The following ADNP variants were observed in gnomAD, a reference collection of about 807,000 sequenced individuals.
ADNP encodes the protein activity dependent neuroprotector homeobox.
Under a neutral mutation model 84.9 loss-of-function variants are expected in ADNP, and 4 were observed. The ratio of observed to expected loss-of-function variants is 0.05; its 90% CI spans 0.02 to 0.11. The LOEUF (loss-of-function observed/expected upper bound fraction) is 0.11, where lower values mean the gene tolerates loss of function less well. Ranked by LOEUF, ADNP falls within the 10% of genes least tolerant of loss-of-function variation. ADNP has a pLI of 1.00. For missense variants in ADNP, 1,132 were observed against 1,326.0 expected (o/e 0.85, Z 2.27); for synonymous variants, 554 against 468.1 (o/e 1.18, Z -2.37).
In ADNP at chr20:50,892,711, A is replaced by C; in HGVS notation, c.2003T>G (p.Leu668Arg). ...GGTCATGTTGCTGGTATACACACCAAGGCAATGGATACATTTGTAGGTGAG... is the reference window on the plus strand; with the variant it reads ...GGTCATGTTGCTGGTATACACACCACGGCAATGGATACATTTGTAGGTGAG... ...KKLTYKCIHCLGVYTSNMTAS... is the reference protein window; with the variant it reads ...KKLTYKCIHCRGVYTSNMTAS... Residue 668 changes from leucine (L) to arginine (R), a missense_variant, in exon 6 of 6, where the codon CTT (leucine) becomes CGT (arginine). Around this residue, in one of 10 missense-constraint regions of ADNP, gnomAD observed 39 missense variants for 96.2 expected, o/e 0.41. Coordinates refer to ENST00000621696, the MANE Select transcript of ADNP (RefSeq NM_001282531.3). 1 of 1,614,226 alleles carries C rather than the reference A, an allele frequency of 6.2e-7. No individual in the cohort carries two copies. Among genetic ancestry groups the C allele is most frequent in the Non-Finnish European group, 8.5e-7 (1 of 1,180,044 alleles).
intron 2 of ADNP, among the ~76,000 whole-genome samples, chr20:50,920,279 AAAAAAG>A (rs1346522762): frequency 3.4e-5 from 5 of 149,172 alleles, no homozygotes; most frequent in Non-Finnish European, 5.9e-5. Context: ...AAAAAAAAAA[AAAAAAG>A]AAAGAAAGAA....
chr20:50,889,689 T>C lies in ADNP; in HGVS notation c.*1716A>G, dbSNP rs114330796. On this transcript the variant is annotated 3_prime_UTR_variant, in exon 6 of 6. Coordinates refer to ENST00000621696, the MANE Select transcript of ADNP (RefSeq NM_001282531.3). ...TTGAGGTGACTGACCAGCCTCCTCA[T>C]GGATTGGAGTTTCCCATCATTGTTT... 2.6e-6 allele frequency: 1 copy of C among 390,564 alleles called. No individual in the cohort carries two copies. The highest frequency in any genetic ancestry group is 1.4e-4 in the South Asian group (1 of 6,964). The allele number at this position is 390,564 out of a possible 1,614,324, so 24.2% of individuals were successfully genotyped here. A position where few individuals can be genotyped will look rare whatever the true frequency, so the allele number is the denominator to read the frequency against.
At chr20:50,927,161 A>T (rs1041191744) in intron 2 of ADNP, among the ~76,000 whole-genome samples, 1 of 152,192 alleles carries the variant, frequency 6.6e-6, no homozygotes, top group Non-Finnish European at 1.5e-5. Flanking sequence ...ATTTTAATAT[A>T]AATAGTATTA....
intron 2 of ADNP, chr20:50,905,625 A>G (rs1412844259): frequency 6.6e-6 from 1 of 152,200 alleles, no homozygotes; most frequent in Non-Finnish European, 1.5e-5. Flanking sequence ...ATGAAGTACC[A>G]AAGTCTAATT....
chr20:50,925,350 A>C (rs532777532), intron 2 of ADNP, among the ~76,000 whole-genome samples: 5 of 152,082 alleles, frequency 3.3e-5, no homozygotes, highest in African/African-American at 1.2e-4. Context: ...ATGTGAGGAG[A>C]GCCTTCTCAT....
At chr20:50,927,251 A>G (rs1984350808) in intron 2 of ADNP, among the ~76,000 whole-genome samples, 1 of 152,176 alleles carries the variant, frequency 6.6e-6, no homozygotes, top group Non-Finnish European at 1.5e-5. Flanking sequence ...GGCATGTATA[A>G]AATCAATGAC....
At chr20:50,915,209 G>A (rs1209320146) in intron 2 of ADNP, among the ~76,000 whole-genome samples, 1 of 151,946 alleles carries the variant, frequency 6.6e-6, no homozygotes, top group Non-Finnish European at 1.5e-5. Context: ...CTTTACCTCA[G>A]CAACATATTT....
In ADNP at chr20:50,928,759, A is replaced by G. The variant is rs1372964475; in HGVS notation, c.-198T>C. On this transcript the variant is annotated 5_prime_UTR_variant, in exon 2 of 6. Coordinates refer to ENST00000621696, the MANE Select transcript of ADNP (RefSeq NM_001282531.3). ...CTAGGCCACCTATCAGTTCAGTACA[A>G]AAAGTACAACCCTGCGCATCATGGT... The G allele has an allele frequency of 6.6e-6, 1 of 152,238 alleles. No individual in the cohort carries two copies. The highest frequency in any genetic ancestry group is 2.4e-5 in the African/African-American group (1 of 41,470). 9.4% of individuals were successfully genotyped at this position (152,238 alleles called of 1,614,324 possible). A position where few individuals can be genotyped will look rare whatever the true frequency, so the allele number is the denominator to read the frequency against.
Position 50,892,736 on chromosome 20 carries a change from G to C in ADNP, c.1978C>G (p.Leu660Val). The change falls in exon 6 of 6, where the codon CTC (leucine) becomes GTC (valine). Residue 660 changes from leucine (L) to valine (V), a missense_variant. This residue lies in a region of ADNP where 39 missense variants were observed against 96.2 expected (regional missense o/e 0.41). Coordinates refer to ENST00000621696, the MANE Select transcript of ADNP (RefSeq NM_001282531.3). The stretch of plus-strand genomic sequence containing the variant: ...AGGCAATGGATACATTTGTAGGTGA[G>C]CTTTTTCTCAACTGGATGAACCGTC... ...IQTVHPVEKKLTYKCIHCLGV... is the reference protein window; with the variant it reads ...IQTVHPVEKKVTYKCIHCLGV... 1 of 1,614,222 alleles carries C rather than the reference G, an allele frequency of 6.2e-7. No individual in the cohort carries two copies. Among genetic ancestry groups the C allele is most frequent in the Non-Finnish European group, 8.5e-7 (1 of 1,180,048 alleles).
chr20:50,911,994 T>C (rs1289578657), intron 2 of ADNP, among the ~76,000 whole-genome samples: 1 of 152,086 alleles, frequency 6.6e-6, no homozygotes, highest in Non-Finnish European at 1.5e-5. Context: ...AACCTGAACA[T>C]AACCCAAAGT....
chr20:50,897,688 TCA>T, intron 5 of ADNP, among the ~76,000 whole-genome samples: 2 of 152,318 alleles, frequency 1.3e-5, no homozygotes, highest in African/African-American at 4.8e-5. Flanking sequence ...AAGGCCTTTC[TCA>T]GATAGTACGC....
At position 50,891,772 on chromosome 20, in the gene ADNP, A is replaced by G. The variant is rs745827301; in HGVS notation, c.2942T>C (p.Val981Ala). The change falls in exon 6 of 6, where the codon GTG becomes GCG. Residue 981 changes from valine (V) to alanine (A), a missense_variant. This residue lies in a region of ADNP where 381 missense variants were observed against 319.9 expected (regional missense o/e 1.19). Coordinates refer to ENST00000621696, the MANE Select transcript of ADNP (RefSeq NM_001282531.3). ...PSESGPGSQQVSDFEDNTCEM... is the reference protein window; with the variant it reads ...PSESGPGSQQASDFEDNTCEM... ...GCAGGTATTGTCCTCAAAGTCTGAC[A>G]CTTGTTGGGATCCAGGCCCACTCTC... The G allele has an allele frequency of 3.7e-6, 6 of 1,614,126 alleles. No individual in the cohort carries two copies. The South Asian group carries it at 5.5e-5, about 15-fold the overall frequency.
In ADNP at chr20:50,891,924, T is replaced by G. The variant is rs1384751461; in HGVS notation, c.2790A>C (p.Lys930Asn). ...ASESEEKLDQ[K>N]EDGSKYETIH... ...TAGTTTCGTATTTTGAACCATCCTC[T>G]TTTTGGTCTAGCTTCTCCTCAGATT... is the stretch of plus-strand genomic sequence containing the variant. The change falls in exon 6 of 6, where the codon AAA (lysine) becomes AAC (asparagine). Residue 930 changes from lysine (K) to asparagine (N), a missense_variant. Physicochemically the swap from Lys to Asn is moderately conservative, Grantham distance 94. Transcript: ENST00000621696. The G allele has an allele frequency of 6.2e-7, 1 of 1,614,118 alleles. No homozygotes were observed. The highest frequency in any genetic ancestry group is 2.2e-5 in the East Asian group (1 of 44,898).
chr20:50,912,908 A>T (rs891516828), intron 2 of ADNP, among the ~76,000 whole-genome samples: 5 of 152,082 alleles, frequency 3.3e-5, no homozygotes, highest in African/African-American at 4.8e-5. Flanking sequence ...GGGAGAAGAG[A>T]AGAGTGTGGA....
chr20:50,903,273 C>T (rs1013655772), intron 4 of ADNP, among the ~76,000 whole-genome samples: 1 of 152,172 alleles, frequency 6.6e-6, no homozygotes, highest in African/African-American at 2.4e-5. Flanking sequence ...GCATGGCTAT[C>T]CCACAGAGCT....
intron 1 of ADNP, among the ~76,000 whole-genome samples, chr20:50,930,381 T>A (rs1984614021): frequency 7.1e-6 from 1 of 141,844 alleles, no homozygotes; most frequent in East Asian, 2.5e-4. Flanking sequence ...CTCCCCCAGG[T>A]AAGGGTGGGC....
Position 50,893,447 on chromosome 20 carries a change from G to T in ADNP, c.1267C>A (p.Gln423Lys). The change falls in exon 6 of 6, where the codon CAG becomes AAG. Residue 423 changes from glutamine to lysine, a missense_variant. Around this residue, in one of 10 missense-constraint regions of ADNP, gnomAD observed 239 missense variants for 213.2 expected, o/e 1.12. Coordinates refer to ENST00000621696, the MANE Select transcript of ADNP (RefSeq NM_001282531.3). This position sits in a 1 kb window ranked among gnomAD's most constrained non-coding sequence, Gnocchi z 4.4. ...GCTGCAGCAGGTTTGGAACTGGACT[G>T]ACCTAACACTCTGGATGCCTGTGAC... ...SQSQASRVLG[Q>K]SSSKPAAAAT... is the part of the protein sequence containing the mutation. 6.2e-7 allele frequency: 1 copy of T among 1,614,086 alleles called. No homozygotes were observed. The highest frequency in any genetic ancestry group is 1.1e-5 in the South Asian group (1 of 91,070).
In ADNP at chr20:50,889,193, C is replaced by T. The variant is rs1211890678; in HGVS notation, c.*2212G>A. On this transcript the variant is annotated 3_prime_UTR_variant, in exon 6 of 6. Transcript: ENST00000621696. ...CTCACCACCTTAATGAGGAAACACA[C>T]TTATCTGTGTCTGTTCCGATATCCA... The T allele has an allele frequency of 6.6e-6, 1 of 152,204 alleles. No homozygotes were observed. The highest frequency in any genetic ancestry group is 2.4e-5 in the African/African-American group (1 of 41,458). 9.4% of individuals were successfully genotyped at this position (152,204 alleles called of 1,614,324 possible).
chr20:50,904,156 C>T (rs551301770), intron 3 of ADNP, 155 bp from the exon 4 acceptor site: 35 of 609,254 alleles, frequency 5.7e-5, no homozygotes, highest in Admixed American at 8.7e-5. Flanking sequence ...CACACACCTG[C>T]TTTCATGTGC....
Sources: gnomAD v4.1 joint callset for allele counts (sites outside exome capture counted in the v4.1 genomes callset) on GRCh38, gnomAD v4.1.1 for gene constraint, gnomAD v4.1.1 regional missense constraint, Gnocchi (gnomAD v3.1) non-coding constraint, MANE v1.5 for transcripts, NCBI Gene and HGNC (gene_info 2026-07-23, HGNC 2026-07-21) for gene names.